The following LTBP2 variants were observed in gnomAD, a reference collection of about 807,000 sequenced individuals.
The protein encoded by LTBP2 is latent transforming growth factor beta binding protein 2.
A neutral mutation model predicts 210.6 loss-of-function variants in LTBP2; 103 were observed. The ratio of observed to expected loss-of-function variants is 0.49; its 90% CI spans 0.42 to 0.58. The LOEUF is 0.58. Among genes scored for constraint, LTBP2 ranks in the 20% least tolerant of loss-of-function variants. LTBP2 has a pLI of 0.00. For missense variants in LTBP2, 2,313 were observed against 2,494.5 expected (o/e 0.93, Z 1.55); for synonymous variants, 1,007 against 1,015.0 (o/e 0.99, Z 0.15).
rs77847288 is a variant in LTBP2 at position 74,499,011 on chromosome 14, G to C, written c.*1873C>G. 8,867 of 220,024 alleles carry C rather than the reference G, an allele frequency of 0.04. 230 individuals carry two copies. Among genetic ancestry groups the C allele is most frequent in the Middle Eastern group, 0.067 (47 of 706 alleles). 13.6% of individuals were successfully genotyped at this position (220,024 alleles called of 1,614,324 possible). On this transcript the variant is annotated 3_prime_UTR_variant, in exon 36 of 36. Transcript: ENST00000261978. ...AATATATCTGAAGGTTAAGTTCCTAGAAGTGGAAACTACTGGATCAAAGAG... is the reference window on the plus strand; with the variant it reads ...AATATATCTGAAGGTTAAGTTCCTACAAGTGGAAACTACTGGATCAAAGAG...
rs952383257 is a variant in LTBP2, at chr14:74,499,450, T to C, written c.*1434A>G. 1.1e-4 allele frequency: 26 copies of C among 227,020 alleles called. No individual in the cohort carries two copies. Among genetic ancestry groups the C allele is most frequent in the Non-Finnish European group, 1.1e-4 (12 of 114,170 alleles). The allele number at this position is 227,020 out of a possible 1,614,324, so 14.1% of individuals were successfully genotyped here. On this transcript the variant is annotated 3_prime_UTR_variant, in exon 36 of 36. Transcript: ENST00000261978. ...TGCCTGGCACATGGCAAGCATTCAATAAGTTATGTGATGGCTAACAATCAG... is the reference window on the plus strand; with the variant it reads ...TGCCTGGCACATGGCAAGCATTCAACAAGTTATGTGATGGCTAACAATCAG...
intron 3 of LTBP2, among the ~76,000 whole-genome samples, chr14:74,571,602 C>G (rs1479659113): frequency 6.6e-6 from 1 of 152,188 alleles, no homozygotes; most frequent in Non-Finnish European, 1.5e-5. Context: ...TTTTGTGGAG[C>G]CTCTGACCTT....
chr14:74,538,405 C>T (rs1023347542), intron 8 of LTBP2, among the ~76,000 whole-genome samples: 3 of 152,068 alleles, frequency 2.0e-5, no homozygotes, highest in Non-Finnish European at 2.9e-5. Context: ...GTCGGCATTG[C>T]GTTTTTTAAT....
intron 3 of LTBP2, among the ~76,000 whole-genome samples, chr14:74,556,987 C>T (rs1274385350): frequency 6.6e-6 from 1 of 150,756 alleles, no homozygotes; most frequent in Non-Finnish European, 1.5e-5. Context: ...TGAGGCTGGG[C>T]GTGGTGGCTC....
In LTBP2 at chr14:74,500,863, T is replaced by G; in HGVS notation, c.*21A>C. On this transcript the variant is annotated 3_prime_UTR_variant, in exon 36 of 36. Coordinates refer to ENST00000261978, the MANE Select transcript of LTBP2 (RefSeq NM_000428.3). ...TGACTGGAGGCCATTTCCAGGTAGT[T>G]GCCACACTGACCCCTGACTGCTACT... 1 of 1,613,560 alleles carries G rather than the reference T, an allele frequency of 6.2e-7. No individual in the cohort carries two copies. Among genetic ancestry groups the G allele is most frequent in the Non-Finnish European group, 8.5e-7 (1 of 1,179,966 alleles).
Position 74,507,957 on chromosome 14 carries a change from C to T in LTBP2, c.3775+16G>A. 6.2e-7 allele frequency: 1 copy of T among 1,612,410 alleles called. No homozygotes were observed. Among genetic ancestry groups the T allele is most frequent in the Non-Finnish European group, 8.5e-7 (1 of 1,179,918 alleles). ...GATGTGGGCAGAGCCCTGTGCCCTCCCCCCAGAGCCCTTACCCACACACTC... is the reference window on the plus strand; with the variant it reads ...GATGTGGGCAGAGCCCTGTGCCCTCTCCCCAGAGCCCTTACCCACACACTC... On this transcript the variant is annotated intron_variant, in intron 25 of 35. Coordinates refer to ENST00000261978, the MANE Select transcript of LTBP2 (RefSeq NM_000428.3).
chr14:74,564,516 T>C (rs988458360), intron 3 of LTBP2, among the ~76,000 whole-genome samples: 1 of 147,022 alleles, frequency 6.8e-6, no homozygotes, highest in Non-Finnish European at 1.5e-5. Context: ...TGCCTCAGCC[T>C]CCTGAGTAGC....
intron 3 of LTBP2, among the ~76,000 whole-genome samples, chr14:74,564,171 A>ATT (rs2087849806): frequency 2.0e-5 from 1 of 49,264 alleles, no homozygotes; most frequent in African/African-American, 8.4e-5. Context: ...ATTTATATAT[A>ATT]TATTTATATA....
At chr14:74,550,514 G>A (rs564207583) in intron 7 of LTBP2, among the ~76,000 whole-genome samples, 1 of 152,276 alleles carries the variant, frequency 6.6e-6, no homozygotes, top group South Asian at 2.1e-4. Context: ...AAACCATACT[G>A]GGTCTGGTCT....
At chr14:74,528,791 T>C in intron 11 of LTBP2, 93 bp from the exon 12 acceptor site, 2 of 1,538,284 alleles carry the variant, frequency 1.3e-6, no homozygotes, top group Non-Finnish European at 1.8e-6. Context: ...GACACGGCAA[T>C]TGTGGCAGCA....
chr14:74,599,041 T>G (rs1310399708), intron 2 of LTBP2, among the ~76,000 whole-genome samples: 2 of 152,146 alleles, frequency 1.3e-5, no homozygotes, highest in East Asian at 1.9e-4. Flanking sequence ...CAATATGAAG[T>G]GCTTAGAATG....
intron 2 of LTBP2, among the ~76,000 whole-genome samples, chr14:74,599,172 T>A (rs1180796111): frequency 6.6e-6 from 1 of 152,134 alleles, no homozygotes; most frequent in Admixed American, 6.5e-5. Flanking sequence ...GCCAGTCACT[T>A]CCCCCAGGAC....
intron 18 of LTBP2, among the ~76,000 whole-genome samples, chr14:74,516,348 A>ATCCCTCCC (rs964441024): frequency 8.3e-5 from 9 of 108,596 alleles, no homozygotes; most frequent in African/African-American, 3.3e-4. Context: ...AGGATCTGGA[A>ATCCCTCCC]TCCCTCCCTC....
Position 74,551,305 on chromosome 14 carries a change from G to T in LTBP2, c.1445C>A (p.Pro482His), listed in dbSNP as rs748417007. Residue 482 changes from proline (P) to histidine (H), a missense_variant, in exon 7 of 36, where the codon CCC becomes CAC. By Grantham distance (77) the Pro-to-His change is moderately conservative. Transcript: ENST00000261978. ...SLVKVHIHHP[P>H]EASVQIHQVA... Reference sequence around the variant, plus strand: ...CTGGTGGATCTGCACTGAGGCCTCGGGTGGGTGGTGAATGTGCACCTTCAC... The same window carrying T: ...CTGGTGGATCTGCACTGAGGCCTCGTGTGGGTGGTGAATGTGCACCTTCAC... The T allele has an allele frequency of 1.9e-6, 3 of 1,596,298 alleles. No homozygotes were observed. The South Asian group carries it at 3.4e-5, about 18-fold the overall frequency.
chr14:74,506,918 C>G, intron 26 of LTBP2, 95 bp from the exon 27 acceptor site: 1 of 1,578,762 alleles, frequency 6.3e-7, no homozygotes, highest in Non-Finnish European at 8.6e-7. Context: ...CACGCATGCA[C>G]ACTCTCTCGT....
At chr14:74,570,665 A>G (rs997364073) in intron 3 of LTBP2, among the ~76,000 whole-genome samples, 1 of 152,104 alleles carries the variant, frequency 6.6e-6, no homozygotes, top group Admixed American at 6.5e-5. Context: ...CAGCAACCCT[A>G]TGATACAGGA....
At chr14:74,596,830 G>A (rs572793191) in intron 2 of LTBP2, among the ~76,000 whole-genome samples, 1 of 152,324 alleles carries the variant, frequency 6.6e-6, no homozygotes, top group Admixed American at 6.5e-5. Context: ...GACCTGCACG[G>A]GGGAGTTAGC....
intron 17 of LTBP2, among the ~76,000 whole-genome samples, chr14:74,520,800 T>C (rs2087192331): frequency 1.1e-5 from 1 of 90,682 alleles, no homozygotes; most frequent in Non-Finnish European, 2.1e-5. Flanking sequence ...GACTCCATCA[T>C]AAATGAATGA....
intron 8 of LTBP2, among the ~76,000 whole-genome samples, chr14:74,540,944 A>ATTTTT (rs1555350227): frequency 1.6e-4 from 4 of 24,290 alleles, no homozygotes; most frequent in African/African-American, 3.6e-4. Context: ...ATATATATAT[A>ATTTTT]TTTTTTATAT....
Sources: allele counts gnomAD v4.1 joint callset (sites outside exome capture counted in the v4.1 genomes callset), GRCh38; gene constraint gnomAD v4.1.1; transcripts MANE v1.5; gene names NCBI Gene and HGNC (gene_info 2026-07-23, HGNC 2026-07-21).